Variants in EYS observed in about 807,000 individuals in gnomAD.
The protein encoded by EYS is EGF-like photoreceptor maintenance factor, also known as protein eyes shut homolog.
In EYS, 250 loss-of-function variants were observed where a neutral mutation model predicts 282.1. The ratio of observed to expected loss-of-function variants is 0.89; its 90% CI spans 0.80 to 0.98. The LOEUF (loss-of-function observed/expected upper bound fraction) is 0.98, where lower values mean the gene tolerates loss of function less well. Among genes scored for constraint, EYS ranks in the 50% least tolerant of loss-of-function variants. The pLI is 0.00. For synonymous variants in EYS, 1,355 were observed against 1,282.9 expected (o/e 1.06, Z -1.20); for missense variants, 4,016 against 3,709.0 (o/e 1.08, Z -2.15).
intron 31 of EYS, among the ~76,000 whole-genome samples, chr6:64,145,067 G>T (rs1453405406): frequency 6.6e-6 from 1 of 152,096 alleles, no homozygotes; most frequent in Admixed American, 6.6e-5. Flanking sequence ...AACACAAAAG[G>T]ATGATAAATT....
At chr6:63,825,569 A>T (rs1003362074) in intron 36 of EYS, among the ~76,000 whole-genome samples, 13 of 152,182 alleles carry the variant, frequency 8.5e-5, no homozygotes, top group African/African-American at 2.9e-4. Context: ...ACATTACAGG[A>T]ATCTATGCCG....
rs2150021975 is a variant in EYS, at chr6:64,821,661, C to T, written c.3227G>A (p.Cys1076Tyr). 1 of 1,492,826 alleles carries T rather than the reference C, an allele frequency of 6.7e-7. No individual in the cohort carries two copies. The highest frequency in any genetic ancestry group is 9.0e-7 in the Non-Finnish European group (1 of 1,105,760). 92.5% of individuals were successfully genotyped at this position (1,492,826 alleles called of 1,614,324 possible). ...SCDADGTSTQCKIKINDCTSI... is the reference protein window; with the variant it reads ...SCDADGTSTQYKIKINDCTSI... The stretch of plus-strand genomic sequence containing the variant: ...AAGACTTACATTAATTTTGATCTTA[C>T]ATTGTGTGCTAGTCCCATCTGCATC... Residue 1076 changes from cysteine (C) to tyrosine (Y), a missense_variant, in exon 21 of 43, where the codon TGT becomes TAT. By Grantham distance (194) the Cys-to-Tyr change is radical (BLOSUM62 -2). Coordinates refer to ENST00000503581, the MANE Select transcript of EYS (RefSeq NM_001142800.2).
chr6:64,632,480 T>C (rs1197010990), intron 22 of EYS, among the ~76,000 whole-genome samples: 4 of 152,040 alleles, frequency 2.6e-5, no homozygotes, highest in African/African-American at 9.7e-5. Flanking sequence ...ATTTTTGCCT[T>C]GTTTTTACAT....
At chr6:64,596,601 G>A (rs1020150920) in intron 24 of EYS, among the ~76,000 whole-genome samples, 3 of 151,948 alleles carry the variant, frequency 2.0e-5, no homozygotes, top group African/African-American at 4.8e-5. Flanking sequence ...GATACCAAAC[G>A]TTAGAGAAAG....
At chr6:64,299,827 G>T (rs1769170905) in intron 30 of EYS, among the ~76,000 whole-genome samples, 1 of 152,066 alleles carries the variant, frequency 6.6e-6, no homozygotes, top group Non-Finnish European at 1.5e-5. Context: ...ATCAGCAGTG[G>T]GTCCCAGTAT....
chr6:63,884,019 C>A (rs911345868), intron 35 of EYS, among the ~76,000 whole-genome samples: 1 of 152,182 alleles, frequency 6.6e-6, no homozygotes, highest in Non-Finnish European at 1.5e-5. Flanking sequence ...TTTTATTACA[C>A]ATTTACTTGT....
intron 14 of EYS, among the ~76,000 whole-genome samples, chr6:64,956,916 C>T (rs116146178): frequency 4.0e-4 from 61 of 152,010 alleles, no homozygotes; most frequent in African/African-American, 1.4e-3. Flanking sequence ...ATCCAAAAGA[C>T]GCAACAACAA....
chr6:64,898,621 A>G (rs570603292), intron 18 of EYS, among the ~76,000 whole-genome samples: 64 of 151,778 alleles, frequency 4.2e-4, no homozygotes, highest in African/African-American at 1.4e-3. Context: ...TTTAAATGTA[A>G]ATGGGCTAAA....
intron 29 of EYS, among the ~76,000 whole-genome samples, chr6:64,315,588 C>G (rs1769924015): frequency 6.6e-6 from 1 of 150,966 alleles, no homozygotes. Flanking sequence ...TCAGCTTCAT[C>G]CCTGGGATGC....
At chr6:63,855,205 G>A (rs1320154593) in intron 36 of EYS, among the ~76,000 whole-genome samples, 1 of 152,200 alleles carries the variant, frequency 6.6e-6, no homozygotes, top group Non-Finnish European at 1.5e-5. Context: ...CCAGATCTGG[G>A]TCTGCCACTC....
intron 13 of EYS, among the ~76,000 whole-genome samples, chr6:65,006,899 A>G (rs56150239): frequency 0.017 from 2,584 of 152,278 alleles, 83 homozygotes; most frequent in African/African-American, 0.059. Context: ...TCCAGACTCA[A>G]AAGTTTTGCT....
At chr6:64,757,725 A>AT (rs746137950) in intron 22 of EYS, among the ~76,000 whole-genome samples, 8 of 131,430 alleles carry the variant, frequency 6.1e-5, no homozygotes, top group African/African-American at 1.1e-4. Flanking sequence ...CAAAAGATTA[A>AT]TTTTTTTTCT....
chr6:63,944,594 T>C (rs1765339890), intron 35 of EYS, among the ~76,000 whole-genome samples: 1 of 152,122 alleles, frequency 6.6e-6, no homozygotes, highest in Admixed American at 6.6e-5. Context: ...ACACTTTACA[T>C]CTACTCTTAG....
chr6:64,563,852 A>C (rs1370150936), intron 26 of EYS, among the ~76,000 whole-genome samples: 2 of 152,114 alleles, frequency 1.3e-5, no homozygotes, highest in Non-Finnish European at 2.9e-5. Context: ...AAATATTCTC[A>C]AAGTAAATTT....
intron 19 of EYS, among the ~76,000 whole-genome samples, chr6:64,879,477 A>T (rs1472456864): frequency 3.3e-5 from 5 of 152,162 alleles, no homozygotes; most frequent in Admixed American, 2.6e-4. Context: ...CACTGAGGCA[A>T]GGCAGGAAAA....
chr6:64,422,563 C>T (rs1005716922), intron 28 of EYS, among the ~76,000 whole-genome samples: 2 of 152,130 alleles, frequency 1.3e-5, no homozygotes, highest in African/African-American at 4.8e-5. Flanking sequence ...TGTGAAGCCT[C>T]AATAGGTTGA....
intron 26 of EYS, among the ~76,000 whole-genome samples, chr6:64,504,633 C>T (rs1447376150): frequency 1.3e-5 from 2 of 152,108 alleles, no homozygotes; most frequent in Non-Finnish European, 2.9e-5. Context: ...AGGAAGAAGT[C>T]TATAGCAAGA....
intron 35 of EYS, among the ~76,000 whole-genome samples, chr6:63,938,237 T>C (rs761820366): frequency 6.6e-6 from 1 of 152,184 alleles, no homozygotes; most frequent in Non-Finnish European, 1.5e-5. Flanking sequence ...TGGTCTCGTA[T>C]GGTGATACAG....
intron 27 of EYS, 51 bp from the exon 28 acceptor site, chr6:64,436,316 A>C: frequency 1.1e-6 from 1 of 925,196 alleles, no homozygotes; most frequent in African/African-American, 1.7e-5. Context: ...CATGAAATTA[A>C]TACCATATAT....
Sources: gnomAD v4.1 joint callset for allele counts (sites outside exome capture counted in the v4.1 genomes callset) on GRCh38, gnomAD v4.1.1 for gene constraint, MANE v1.5 for transcripts, NCBI Gene and HGNC (gene_info 2026-07-23, HGNC 2026-07-21) for gene names.